The following C4orf50 variants were observed in gnomAD, a reference collection of about 807,000 sequenced individuals.
C4orf50 encodes the protein uncharacterized protein C4orf50.
Under a neutral mutation model 77.2 loss-of-function variants are expected in C4orf50, and 80 were observed. That is an observed-to-expected ratio of 1.04 (90% CI 0.87 to 1.25). C4orf50 has a LOEUF of 1.25. Among genes scored for constraint, C4orf50 ranks in the 50% most tolerant of loss-of-function variants. C4orf50 has a pLI of 0.00. For synonymous variants in C4orf50, 532 were observed against 465.3 expected (o/e 1.14, Z -1.84); for missense variants, 1,257 against 1,152.9 (o/e 1.09, Z -1.31).
chr4:5,912,084 C>CAA, intron 7 of C4orf50, among the ~76,000 whole-genome samples: 1 of 28,090 alleles, frequency 3.6e-5, no homozygotes. Context: ...ACCACACAAA[C>CAA]AAACACAAAC....
intron 32 of C4orf50, among the ~76,000 whole-genome samples, chr4:5,966,116 A>T (rs1719549903): frequency 6.6e-6 from 1 of 152,216 alleles, no homozygotes; most frequent in East Asian, 1.9e-4. Flanking sequence ...CTATTGAAAT[A>T]AAAAAGAGTA....
chr4:5,907,205 C>T (rs554849161), intron 7 of C4orf50, among the ~76,000 whole-genome samples: 57 of 152,332 alleles, frequency 3.7e-4, no homozygotes, highest in African/African-American at 1.3e-3. Flanking sequence ...AGGCAACATT[C>T]TTTCCCTACA....
intron 7 of C4orf50, among the ~76,000 whole-genome samples, chr4:5,944,009 AG>A (rs1718379155): frequency 6.6e-6 from 1 of 152,154 alleles, no homozygotes; most frequent in African/African-American, 2.4e-5. Flanking sequence ...GTCCCACAAC[AG>A]GCTCTTTGGG....
intron 7 of C4orf50, among the ~76,000 whole-genome samples, chr4:5,911,758 A>G (rs1577877119): frequency 6.6e-6 from 1 of 152,212 alleles, no homozygotes; most frequent in East Asian, 1.9e-4. Context: ...AAAACAAAAC[A>G]AACAAAACAC....
intron 28 of C4orf50, among the ~76,000 whole-genome samples, chr4:5,985,649 G>A (rs1383376606): frequency 3.3e-5 from 5 of 151,976 alleles, no homozygotes; most frequent in Non-Finnish European, 5.9e-5. Flanking sequence ...GAACAGATGA[G>A]ACAAATAGAA....
At chr4:5,944,607 G>C (rs1718404176) in intron 7 of C4orf50, among the ~76,000 whole-genome samples, 1 of 152,150 alleles carries the variant, frequency 6.6e-6, no homozygotes, top group Non-Finnish European at 1.5e-5. Context: ...AGCTCCAGTG[G>C]AGGAAGCAGC....
intron 7 of C4orf50, among the ~76,000 whole-genome samples, chr4:5,924,374 G>A (rs2108740305): frequency 6.6e-6 from 1 of 152,280 alleles, no homozygotes; most frequent in South Asian, 2.1e-4. Context: ...AAAAGTGGGG[G>A]CTCCTGGACC....
At chr4:5,998,227 G>C (rs550043807) in intron 25 of C4orf50, among the ~76,000 whole-genome samples, 4 of 152,178 alleles carry the variant, frequency 2.6e-5, no homozygotes, top group Non-Finnish European at 4.4e-5. Context: ...GGGATCCTGA[G>C]ATTTTTCTCA....
chr4:5,945,668 G>C (rs181071589), intron 7 of C4orf50, among the ~76,000 whole-genome samples: 1 of 152,270 alleles, frequency 6.6e-6, no homozygotes, highest in East Asian at 1.9e-4. Flanking sequence ...GACTTGCCCC[G>C]GCCCCTGCCT....
chr4:6,013,439 G>A (rs553408086), intron 23 of C4orf50, among the ~76,000 whole-genome samples: 54 of 152,278 alleles, frequency 3.5e-4, no homozygotes, highest in African/African-American at 9.4e-4. Context: ...ATTCTGATAC[G>A]ATTCCTAATC....
Position 6,011,240 on chromosome 4 carries a change from G to A in C4orf50, c.426+590C>T, listed in dbSNP as rs183564286. Among the ~76,000 whole-genome samples, 929 of 152,302 alleles carry A rather than the reference G, an allele frequency of 6.1e-3. 8 individuals carry two copies. The highest frequency in any genetic ancestry group is 0.01 in the Non-Finnish European group (711 of 68,022). On this transcript the variant is annotated intron_variant, in intron 24 of 33. Transcript: ENST00000531445. This position sits in a 1 kb window ranked among gnomAD's most constrained non-coding sequence, Gnocchi z 4.2. ...ATTGTATTCAGAATTGGGCCATGCA[G>A]CGGAGTTGGCCACCTGGCCCCTCTG...
chr4:5,914,994 GA>G (rs1716971135), intron 7 of C4orf50, among the ~76,000 whole-genome samples: 1 of 152,152 alleles, frequency 6.6e-6, no homozygotes, highest in Non-Finnish European at 1.5e-5. Flanking sequence ...TTAATCCAAT[GA>G]GTAGCTCAGA....
exon 28 of C4orf50, chr4:5,989,453 A>C: frequency 6.5e-7 from 1 of 1,536,010 alleles, no homozygotes; most frequent in Non-Finnish European, 8.7e-7. Context: ...TCTTCATTAG[A>C]ACAAATACCC....
chr4:5,959,578 C>T (rs1188592342), exon 34 of C4orf50: 15 of 1,614,020 alleles, frequency 9.3e-6, no homozygotes, highest in Non-Finnish European at 1.2e-5. Flanking sequence ...ACAGTGACCG[C>T]TGCCAGGCAC....
At position 5,905,190 on chromosome 4, in the gene C4orf50, A is replaced by G. The variant is rs1026863683; in HGVS notation, c.*2475-7002T>C. ...AGCCGACAGGTCCTTGGGACTCCAG[A>G]CCCGGCTTCCTGTCACTCACATGGC... On this transcript the variant is annotated intron_variant, in intron 7 of 7. Transcript: ENST00000324058. The surrounding 1 kb of genome is among the most constrained non-coding windows in gnomAD (Gnocchi z 5.4). The G allele has an allele frequency of 6.6e-6, 1 of 152,172 alleles. No individual in the cohort carries two copies. Among genetic ancestry groups the G allele is most frequent in the Non-Finnish European group, 1.5e-5 (1 of 68,060 alleles). 9.4% of individuals were successfully genotyped at this position (152,172 alleles called of 1,614,324 possible).
chr4:5,949,969 A>G (rs377100943), intron 7 of C4orf50, among the ~76,000 whole-genome samples: 4 of 148,280 alleles, frequency 2.7e-5, no homozygotes, highest in African/African-American at 7.5e-5. Flanking sequence ...AGCCTGGGCA[A>G]CAAGAGTGAA....
rs143109892 is a variant in C4orf50 at position 5,945,096 on chromosome 4, C to T, written c.*2474+11805G>A. 1.5e-3 allele frequency among the ~76,000 whole-genome samples: 236 copies of T among 152,316 alleles called. 2 individuals carry two copies. Among genetic ancestry groups the T allele is most frequent in the African/African-American group, 5.1e-3 (214 of 41,584 alleles). On this transcript the variant is annotated intron_variant, in intron 7 of 7. Coordinates refer to the C4orf50 transcript ENST00000324058. ...CAGGCCAGTGGCTCTAGCACTGGAG[C>T]GTGCATGGGGAGGTGCCTTGGGCTG...
At chr4:5,954,779 G>A (rs546881001), downstream of C4orf50, among the ~76,000 whole-genome samples, 1 of 152,246 alleles carries the variant, frequency 6.6e-6, no homozygotes, top group East Asian at 1.9e-4. This position sits in a 1 kb window ranked among gnomAD's most constrained non-coding sequence, Gnocchi z 4.7. Flanking sequence ...CCTCCAGAAG[G>A]CCCAGACAAA....
At chr4:5,982,771 G>A (rs1720662329) in intron 28 of C4orf50, among the ~76,000 whole-genome samples, 1 of 152,066 alleles carries the variant, frequency 6.6e-6, no homozygotes, top group Admixed American at 6.6e-5. Flanking sequence ...ACTCATCTCT[G>A]CACAGAACCA....
Sources: gnomAD v4.1 joint callset for allele counts (sites outside exome capture counted in the v4.1 genomes callset) on GRCh38, gnomAD v4.1.1 for gene constraint, Gnocchi (gnomAD v3.1) non-coding constraint, MANE v1.5 for transcripts, NCBI Gene and HGNC (gene_info 2026-07-23, HGNC 2026-07-21) for gene names.